The following ALDH18A1 variants were observed in gnomAD, a reference collection of about 807,000 sequenced individuals.
ALDH18A1 encodes the protein delta-1-pyrroline-5-carboxylate synthase.
A neutral mutation model predicts 88.8 loss-of-function variants in ALDH18A1; 44 were observed. That is an observed-to-expected ratio of 0.50 (90% confidence interval 0.39 to 0.64). The LOEUF is 0.64. Ranked by LOEUF, ALDH18A1 falls within the 30% of genes least tolerant of loss-of-function variation. ALDH18A1 has a pLI of 0.00. For missense variants in ALDH18A1, 782 were observed against 1,009.5 expected, an observed-to-expected ratio of 0.77 and a Z score of 3.05; for synonymous variants, 331 against 372.1, an observed-to-expected ratio of 0.89 and a Z score of 1.27.
chr10:95,649,404 G>C (rs946447823), intron 2 of ALDH18A1, among the ~76,000 whole-genome samples: 47 of 141,882 alleles, frequency 3.3e-4, no homozygotes, highest in Non-Finnish European at 3.8e-4. Flanking sequence ...ACCCAGGCTA[G>C]AGTGCAGTGG....
chr10:95,622,183 A>T (rs1005695066), intron 11 of ALDH18A1, among the ~76,000 whole-genome samples: 1 of 152,162 alleles, frequency 6.6e-6, no homozygotes. Context: ...ACAGAATTTT[A>T]AAAAAGAAAA....
intron 3 of ALDH18A1, among the ~76,000 whole-genome samples, chr10:95,637,967 A>AAAC (rs140422812): frequency 0.046 from 6,941 of 150,254 alleles, 208 homozygotes; most frequent in Admixed American, 0.097. Context: ...GCTGTCTCAA[A>AAAC]AACAACAACA....
In ALDH18A1 at chr10:95,627,475, C is replaced by A. The variant is rs768360126; in HGVS notation, c.1045G>T (p.Val349Phe). Residue 349 changes from valine (V) to phenylalanine (F), a missense_variant, in exon 9 of 18, where the codon GTT becomes TTT. Transcript: ENST00000371224. The stretch of plus-strand genomic sequence containing the variant: ...TTTACTTCTGAAAAGAAGGTACCAA[C>A]TTTCTTCCCCTCCACAATGTCTGTG... ...VITDIVEGKK[V>F]GTFFSEVKPA... 6.2e-7 allele frequency: 1 copy of A among 1,614,156 alleles called. No individual in the cohort carries two copies. The highest frequency in any genetic ancestry group is 1.1e-5 in the South Asian group (1 of 91,086).
chr10:95,643,910 G>A (rs976748338), intron 2 of ALDH18A1, among the ~76,000 whole-genome samples: 2 of 152,184 alleles, frequency 1.3e-5, no homozygotes, highest in African/African-American at 4.8e-5. Context: ...CTGGGAGGCC[G>A]AGGCAGAAGG....
intron 5 of ALDH18A1, 67 bp from the exon 6 acceptor site, chr10:95,633,716 G>C (rs771519106): frequency 8.3e-6 from 13 of 1,559,066 alleles, no homozygotes; most frequent in Non-Finnish European, 1.1e-5. Flanking sequence ...GTATACAAAA[G>C]ACGCTAAGAG....
At chr10:95,616,721 T>C (rs2097844899) in intron 12 of ALDH18A1, 107 bp from the exon 13 acceptor site, 1 of 1,400,588 alleles carries the variant, frequency 7.1e-7, no homozygotes. Flanking sequence ...GTGTTCATCA[T>C]TTTAGAAGGC....
intron 3 of ALDH18A1, among the ~76,000 whole-genome samples, chr10:95,641,432 A>T (rs550363512): frequency 6.7e-6 from 1 of 148,502 alleles, no homozygotes; most frequent in Non-Finnish European, 1.5e-5. Flanking sequence ...AAATATTTTT[A>T]AAATTTATCT....
intron 3 of ALDH18A1, 78 bp from the exon 4 acceptor site, chr10:95,637,514 G>A: frequency 6.4e-7 from 1 of 1,562,214 alleles, no homozygotes; most frequent in Non-Finnish European, 8.7e-7. Flanking sequence ...TGGAGGTAGG[G>A]TGGGCTATCG....
At chr10:95,610,909 G>A (rs1446343959) in intron 16 of ALDH18A1, among the ~76,000 whole-genome samples, 1 of 152,198 alleles carries the variant, frequency 6.6e-6, no homozygotes, top group African/African-American at 2.4e-5. Context: ...ATAAATGAAT[G>A]AATGAATGAA....
rs1478999299 is a variant in ALDH18A1 at position 95,632,876 on chromosome 10, CAAAG to C, written c.808+79_808+82del. ...ATAGCAAAAAAACATCAGAGGGACT[CAAAG>C]AAAGAGGGAAACTCATGTGCTCACA... is the stretch of plus-strand genomic sequence containing the variant. On this transcript the variant is annotated intron_variant, in intron 7 of 17. Coordinates refer to ENST00000371224, the MANE Select transcript of ALDH18A1 (RefSeq NM_002860.4). 9 of 1,242,950 alleles carry C rather than the reference CAAAG, an allele frequency of 7.2e-6. No individual in the cohort carries two copies. The South Asian group carries it at 9.9e-5, about 14-fold the overall frequency. The allele number at this position is 1,242,950 out of a possible 1,614,324, so 77.0% of individuals were successfully genotyped here.
In ALDH18A1 at chr10:95,627,601, T is replaced by C; in HGVS notation, c.934-15A>G. The C allele has an allele frequency of 6.2e-7, 1 of 1,613,932 alleles. No individual in the cohort carries two copies. Among genetic ancestry groups the C allele is most frequent in the South Asian group, 1.1e-5 (1 of 91,082 alleles). Reference sequence around the variant, plus strand: ...GCTGCTTTCACCTAATGAGACAGGTTAGATCCAGTAAAGATGAGATTCAGA... The same window carrying C: ...GCTGCTTTCACCTAATGAGACAGGTCAGATCCAGTAAAGATGAGATTCAGA... On this transcript the variant is annotated splice_polypyrimidine_tract_variant and intron_variant, in intron 8 of 17. Coordinates refer to ENST00000371224, the MANE Select transcript of ALDH18A1 (RefSeq NM_002860.4).
At chr10:95,631,778 A>C (rs1294760365) in intron 7 of ALDH18A1, among the ~76,000 whole-genome samples, 1 of 150,742 alleles carries the variant, frequency 6.6e-6, no homozygotes, top group African/African-American at 2.4e-5. Context: ...ACTGAATAAC[A>C]GCAATGATGT....
chr10:95,655,833 C>T (rs1039553230), intron 1 of ALDH18A1, among the ~76,000 whole-genome samples: 1 of 152,164 alleles, frequency 6.6e-6, no homozygotes, highest in African/African-American at 2.4e-5. Flanking sequence ...TATCTCTTTA[C>T]AGACTAAACA....
chr10:95,613,948 A>C lies in ALDH18A1; in HGVS notation c.1801+18T>G, dbSNP rs545630796. On this transcript the variant is annotated intron_variant, in intron 14 of 17. Coordinates refer to ENST00000371224, the MANE Select transcript of ALDH18A1 (RefSeq NM_002860.4). ...TAATATTTCTCCGTTGTGAAAGAGAAGACCCCATCCAGCTCACCTAGCCTG... is the reference window on the plus strand; with the variant it reads ...TAATATTTCTCCGTTGTGAAAGAGACGACCCCATCCAGCTCACCTAGCCTG... 6.2e-7 allele frequency: 1 copy of C among 1,614,244 alleles called. No individual in the cohort carries two copies. The highest frequency in any genetic ancestry group is 1.3e-5 in the African/African-American group (1 of 75,066).
At chr10:95,633,706 G>A in intron 5 of ALDH18A1, 57 bp from the exon 6 acceptor site, 14 of 1,572,336 alleles carry the variant, frequency 8.9e-6, no homozygotes, top group Non-Finnish European at 1.2e-5. Context: ...AAACTTCCCA[G>A]TATACAAAAG....
intron 15 of ALDH18A1, among the ~76,000 whole-genome samples, chr10:95,612,912 A>G (rs1409710): frequency 6.6e-6 from 1 of 152,130 alleles, no homozygotes; most frequent in Non-Finnish European, 1.5e-5. Context: ...AATTCTTTCC[A>G]GTTCTCACTG....
rs768807587 is a variant in ALDH18A1, at chr10:95,643,091, C to T, written c.204G>A (p.Lys68=). Residue 68 remains lysine (K), a synonymous_variant, in exon 3 of 18, where the codon AAG becomes AAA. Coordinates refer to ENST00000371224, the MANE Select transcript of ALDH18A1 (RefSeq NM_002860.4). The part of the protein sequence containing the change: ...GKSFAHRSEL[K]HAKRIVVKLG... ...GCTTCACCACGATTCTCTTGGCATG[C>T]TTCAGCTCACTGCGGTGGGCGAAGG... 3 of 1,614,244 alleles carry T rather than the reference C, an allele frequency of 1.9e-6. No homozygotes were observed. The highest frequency in any genetic ancestry group is 1.7e-5 in the Admixed American group (1 of 60,032).
intron 13 of ALDH18A1, among the ~76,000 whole-genome samples, chr10:95,615,173 T>A (rs962583522): frequency 6.6e-6 from 1 of 151,466 alleles, no homozygotes; most frequent in Non-Finnish European, 1.5e-5. Context: ...AAACAAAAAA[T>A]CCACAAAAGT....
chr10:95,637,256 C>G (rs781400547), intron 4 of ALDH18A1, 31 bp downstream of exon 4: 2 of 1,614,196 alleles, frequency 1.2e-6, no homozygotes, highest in Admixed American at 3.3e-5. Flanking sequence ...ACCTGAAGAT[C>G]CATTTCAATG....
Sources: gnomAD v4.1 joint callset for allele counts (sites outside exome capture counted in the v4.1 genomes callset) on GRCh38, gnomAD v4.1.1 for gene constraint, MANE v1.5 for transcripts, NCBI Gene and HGNC (gene_info 2026-07-23, HGNC 2026-07-21) for gene names.